The following ZIM2 variants were observed in gnomAD, a reference collection of about 807,000 sequenced individuals.
The protein encoded by ZIM2 is zinc finger protein 656.
In ZIM2, 14 loss-of-function variants were observed where a neutral mutation model predicts 38.6. The ratio of observed to expected loss-of-function variants is 0.36; its 90% CI spans 0.24 to 0.57. ZIM2 has a LOEUF of 0.57. Ranked by LOEUF, ZIM2 falls within the 20% of genes least tolerant of loss-of-function variation. ZIM2 has a pLI of 0.81. For synonymous variants in ZIM2, 247 were observed against 245.8 expected (o/e 1.00, Z -0.04); for missense variants, 680 against 695.1 (o/e 0.98, Z 0.24).
At chr19:56,824,730 G>A in intron 3 of ZIM2, 1 of 1,388,990 alleles carries the variant, frequency 7.2e-7, no homozygotes. Flanking sequence ...GTGACCGTCA[G>A]TACTCAGGGA....
chr19:56,790,507 T>C (rs1267373412), intron 9 of ZIM2, among the ~76,000 whole-genome samples: 1 of 152,218 alleles, frequency 6.6e-6, no homozygotes, highest in Non-Finnish European at 1.5e-5. Flanking sequence ...CCACTCTGTA[T>C]ACACTACCCC....
At position 56,838,880 on chromosome 19, in the gene ZIM2, C is replaced by T. The variant is rs912637217; in HGVS notation, c.-314+1702G>A. On this transcript the variant is annotated intron_variant, in intron 1 of 12. Coordinates refer to ENST00000629319, the MANE Select transcript of ZIM2 (RefSeq NM_001387356.1). ...CCCTGTGGACAACCCCACACCTATG[C>T]GGCAAACCGCAGCCGCCCCGATCAA... Among the ~76,000 whole-genome samples the T allele has an allele frequency of 3.9e-5, 6 of 152,154 alleles. No homozygotes were observed. The South Asian group carries it at 6.2e-4, about 16-fold the overall frequency.
intron 9 of ZIM2, among the ~76,000 whole-genome samples, chr19:56,803,826 C>T (rs2047637812): frequency 6.6e-6 from 1 of 152,192 alleles, no homozygotes; most frequent in Admixed American, 6.5e-5. Context: ...GCTCTTTTAA[C>T]CCCAGTTTTC....
chr19:56,793,363 T>G (rs967496173), intron 9 of ZIM2: 4 of 152,670 alleles, frequency 2.6e-5, no homozygotes, highest in African/African-American at 9.6e-5. Flanking sequence ...ATCCAGCATC[T>G]CTACACCTTG....
At chr19:56,821,795 C>A (rs1388086685) in intron 6 of ZIM2, 41 bp from the exon 7 acceptor site, 2 of 1,607,610 alleles carry the variant, frequency 1.2e-6, no homozygotes, top group Admixed American at 3.3e-5. Flanking sequence ...AGGGCCCAGT[C>A]CATCCTGCAG....
intron 9 of ZIM2, among the ~76,000 whole-genome samples, chr19:56,796,118 G>A (rs927421248): frequency 2.6e-5 from 4 of 152,052 alleles, no homozygotes; most frequent in African/African-American, 7.3e-5. Context: ...AAATGTATAT[G>A]TATATGTGTG....
intron 10 of ZIM2, among the ~76,000 whole-genome samples, chr19:56,783,551 T>C (rs1450460220): frequency 2.0e-5 from 3 of 152,204 alleles, no homozygotes; most frequent in Admixed American, 1.3e-4. Flanking sequence ...GAAACCATTA[T>C]CCTAAGCGAA....
At chr19:56,789,791 TTAATTA>T in intron 10 of ZIM2, 75 bp downstream of exon 10, 1 of 1,245,756 alleles carries the variant, frequency 8.0e-7, no homozygotes, top group Non-Finnish European at 1.1e-6. Flanking sequence ...AGTATGTGGT[TTAATTA>T]AATAAGGAAG....
chr19:56,798,647 A>T (rs2047345974), intron 9 of ZIM2: 1 of 152,222 alleles, frequency 6.6e-6, no homozygotes, highest in South Asian at 2.1e-4. Context: ...CTGTACAGCA[A>T]AGAAATTATC....
intron 2 of ZIM2, among the ~76,000 whole-genome samples, chr19:56,830,044 C>T (rs762938823): frequency 2.8e-4 from 42 of 152,128 alleles, no homozygotes; most frequent in Admixed American, 9.8e-4. Flanking sequence ...ATGGCCTAAA[C>T]GGGCCATCAA....
Position 56,822,833 on chromosome 19 carries a change from TC to T in ZIM2, c.109del (p.Asp37ThrfsTer109). 6.2e-7 allele frequency: 1 copy of T among 1,613,452 alleles called. No homozygotes were observed. Among genetic ancestry groups the T allele is most frequent in the Non-Finnish European group, 8.5e-7 (1 of 1,179,746 alleles). On this transcript the variant is annotated frameshift_variant and splice_region_variant, in exon 6 of 13. Transcript: ENST00000629319. LOFTEE classifies it high-confidence loss of function. ...PPHSVHSFSG[D>X]RDWDRRGRSR... ...TCTGCCCCTCCGGTCCCAGTCCCGG[TC>T]ACCTAAGCAGGTGAGACATTCCAGT... is the stretch of plus-strand genomic sequence containing the variant.
chr19:56,775,652 A>C, intron 12 of ZIM2, 123 bp from the exon 13 acceptor site: 1 of 1,450,214 alleles, frequency 6.9e-7, no homozygotes, highest in Non-Finnish European at 9.1e-7. Flanking sequence ...CTCTTTTCCT[A>C]ATCTGAAAAA....
intron 9 of ZIM2, among the ~76,000 whole-genome samples, chr19:56,801,225 C>T (rs532139865): frequency 2.0e-4 from 31 of 152,210 alleles, no homozygotes; most frequent in South Asian, 1.5e-3. Context: ...TGTGAGCCAC[C>T]TCTCCCGGTC....
intron 9 of ZIM2, chr19:56,811,152 A>G: frequency 1.0e-6 from 1 of 980,674 alleles, no homozygotes; most frequent in Non-Finnish European, 1.2e-6. Context: ...ATGAGTTCAA[A>G]TTATGTTCAC....
chr19:56,798,774 A>C (rs187548567), intron 9 of ZIM2: 89 of 152,306 alleles, frequency 5.8e-4, no homozygotes, highest in African/African-American at 2.1e-3. Context: ...AGAAAAAAAA[A>C]CAACGCCATT....
intron 11 of ZIM2, among the ~76,000 whole-genome samples, chr19:56,780,108 A>C (rs1301460185): frequency 6.6e-6 from 1 of 152,182 alleles, no homozygotes; most frequent in Non-Finnish European, 1.5e-5. Flanking sequence ...TGTATGTCTG[A>C]ATTCACTGAC....
chr19:56,779,325 A>C, intron 12 of ZIM2, 52 bp downstream of exon 12: 3 of 1,590,950 alleles, frequency 1.9e-6, no homozygotes, highest in Non-Finnish European at 2.6e-6. Flanking sequence ...CTCTCTGACT[A>C]GCATTTACTG....
intron 9 of ZIM2, 79 bp from the exon 10 acceptor site, chr19:56,790,030 G>A (rs1202740001): frequency 2.5e-6 from 3 of 1,220,010 alleles, no homozygotes; most frequent in Non-Finnish European, 1.1e-6. Context: ...CCACCCTCAT[G>A]CCACCCTGTC....
chr19:56,829,603 C>T (rs1197641021), intron 2 of ZIM2, among the ~76,000 whole-genome samples: 1 of 152,234 alleles, frequency 6.6e-6, no homozygotes, highest in African/African-American at 2.4e-5. Flanking sequence ...TGCTGGTCAA[C>T]CTTCTCCTGC....
Sources: allele counts gnomAD v4.1 joint callset (sites outside exome capture counted in the v4.1 genomes callset), GRCh38; gene constraint gnomAD v4.1.1; transcripts MANE v1.5; gene names NCBI Gene and HGNC (gene_info 2026-07-23, HGNC 2026-07-21).